Variants in TTC23 observed in about 807,000 individuals in gnomAD.
The protein encoded by TTC23 is tetratricopeptide repeat protein 23.
TTC23 carries 58 observed loss-of-function variants against 55.1 expected under a neutral mutation model. The observed-to-expected ratio is 1.05, with a 90% CI of 0.85 to 1.31. The LOEUF (loss-of-function observed/expected upper bound fraction) is 1.31, where lower values mean the gene tolerates loss of function less well. TTC23 is among the 50% of genes most tolerant of loss of function. TTC23 has a pLI of 0.00. For missense variants in TTC23, 516 were observed against 534.4 expected (o/e 0.97, Z 0.34); for synonymous variants, 203 against 199.9 (o/e 1.02, Z -0.13).
intron 9 of TTC23, among the ~76,000 whole-genome samples, chr15:99,196,374 C>A (rs2075709991): frequency 6.6e-6 from 1 of 152,090 alleles, no homozygotes; most frequent in African/African-American, 2.4e-5. Flanking sequence ...TGAACTTCCT[C>A]CTACTAGTTT....
chr15:99,240,555 G>C (rs770549073), intron 3 of TTC23, among the ~76,000 whole-genome samples: 4 of 152,192 alleles, frequency 2.6e-5, no homozygotes, highest in Non-Finnish European at 4.4e-5. Context: ...AGGGAAGAGG[G>C]GGAGCTGCCC....
intron 4 of TTC23, among the ~76,000 whole-genome samples, chr15:99,231,767 C>T (rs1190627612): frequency 2.0e-5 from 3 of 152,144 alleles, no homozygotes; most frequent in Admixed American, 6.5e-5. Context: ...GCTGGGATTA[C>T]GGGCATTAGC....
intron 8 of TTC23, among the ~76,000 whole-genome samples, chr15:99,212,596 C>T (rs921564734): frequency 3.9e-5 from 6 of 152,068 alleles, no homozygotes; most frequent in African/African-American, 9.7e-5. Context: ...TGAGTCACCC[C>T]GCGGCACTTA....
chr15:99,201,570 G>C (rs2076203268), intron 8 of TTC23, among the ~76,000 whole-genome samples: 1 of 152,172 alleles, frequency 6.6e-6, no homozygotes, highest in African/African-American at 2.4e-5. Context: ...ATACTTTTCG[G>C]ATCTGTGGTC....
chr15:99,222,372 G>C (rs1047738233), intron 5 of TTC23, among the ~76,000 whole-genome samples: 5 of 152,120 alleles, frequency 3.3e-5, no homozygotes, highest in Non-Finnish European at 7.4e-5. Flanking sequence ...CCTCCAGGGG[G>C]CTCGAGCAAT....
intron 8 of TTC23, among the ~76,000 whole-genome samples, chr15:99,201,832 T>C (rs1028052657): frequency 6.6e-6 from 1 of 152,172 alleles, no homozygotes; most frequent in Non-Finnish European, 1.5e-5. Flanking sequence ...TTTGTAAATA[T>C]CATACTTTAT....
chr15:99,139,513 G>A (rs373599970), intron 12 of TTC23, 114 bp from the exon 13 acceptor site: 250 of 1,557,496 alleles, frequency 1.6e-4, no homozygotes, highest in Non-Finnish European at 2.0e-4. Context: ...CTGCTGTGAT[G>A]GAATTAGCAT....
intron 9 of TTC23, among the ~76,000 whole-genome samples, chr15:99,199,058 C>T (rs1437864970): frequency 2.6e-5 from 4 of 152,136 alleles, no homozygotes; most frequent in African/African-American, 7.2e-5. Context: ...AGTGAATACA[C>T]GGTGTTTTGT....
At chr15:99,240,929 T>C (rs1456908114) in intron 3 of TTC23, among the ~76,000 whole-genome samples, 2 of 152,206 alleles carry the variant, frequency 1.3e-5, no homozygotes, top group Admixed American at 1.3e-4. Context: ...ATGCTACCTG[T>C]CTGGCTTCTA....
At chr15:99,218,817 AT>A in intron 7 of TTC23, 80 bp downstream of exon 7, 3 of 1,594,832 alleles carry the variant, frequency 1.9e-6, no homozygotes, top group Non-Finnish European at 2.6e-6. Flanking sequence ...TAAGTCATCC[AT>A]CAGCATCAGC....
intron 4 of TTC23, among the ~76,000 whole-genome samples, chr15:99,231,287 C>G (rs965615077): frequency 6.6e-6 from 1 of 152,162 alleles, no homozygotes; most frequent in Non-Finnish European, 1.5e-5. Flanking sequence ...TTATACATTT[C>G]TAAAAGTTAA....
chr15:99,241,759 C>A lies in TTC23; in HGVS notation c.-308-200G>T, dbSNP rs142838044. Among the ~76,000 whole-genome samples, 4 of 152,224 alleles carry A rather than the reference C, an allele frequency of 2.6e-5. No homozygotes were observed. In the East Asian group the frequency reaches 7.7e-4, roughly 29 times the overall value. ...GTCCCCTGCTTTTCCAGGTGTGAAC[C>A]GTTGGAGGCTGACTTGTGGAGAGAT... On this transcript the variant is annotated intron_variant, in intron 2 of 13. Transcript: ENST00000394132.
intron 12 of TTC23, 100 bp from the exon 13 acceptor site, chr15:99,139,499 G>A: frequency 6.4e-7 from 1 of 1,568,692 alleles, no homozygotes; most frequent in South Asian, 1.2e-5. Context: ...CTCATTCTTA[G>A]GCCCTGCTGT....
At chr15:99,229,441 A>C (rs989556354) in intron 4 of TTC23, among the ~76,000 whole-genome samples, 1 of 152,158 alleles carries the variant, frequency 6.6e-6, no homozygotes. Context: ...AAATCACCCC[A>C]GTTTATTGCT....
intron 9 of TTC23, among the ~76,000 whole-genome samples, chr15:99,187,466 A>AC (rs2074809824): frequency 2.7e-5 from 4 of 145,530 alleles, no homozygotes; most frequent in African/African-American, 1.0e-4. Context: ...AAAAAAAAAA[A>AC]AACAAAACAA....
chr15:99,139,765 T>C, intron 12 of TTC23: 1 of 1,305,786 alleles, frequency 7.7e-7, no homozygotes, highest in Non-Finnish European at 1.0e-6. Flanking sequence ...TTTAAAAAAA[T>C]AGTTTTGTTT....
intron 10 of TTC23, among the ~76,000 whole-genome samples, chr15:99,168,350 T>C (rs779969338): frequency 3.3e-5 from 5 of 152,160 alleles, no homozygotes; most frequent in Non-Finnish European, 7.4e-5. Flanking sequence ...CTGCCTTAAG[T>C]GTCCTCACCA....
chr15:99,168,980 A>G (rs2072540619), intron 10 of TTC23, among the ~76,000 whole-genome samples: 1 of 152,122 alleles, frequency 6.6e-6, no homozygotes, highest in African/African-American at 2.4e-5. Flanking sequence ...CCTGGACCCT[A>G]ATCCCCTAGA....
At chr15:99,171,235 T>C (rs1166760851) in intron 10 of TTC23, among the ~76,000 whole-genome samples, 1 of 152,156 alleles carries the variant, frequency 6.6e-6, no homozygotes, top group Non-Finnish European at 1.5e-5. Flanking sequence ...AGTTCAAGTG[T>C]CTTCTGGTTG....
Sources: allele counts gnomAD v4.1 joint callset (sites outside exome capture counted in the v4.1 genomes callset), GRCh38; gene constraint gnomAD v4.1.1; transcripts MANE v1.5; gene names NCBI Gene and HGNC (gene_info 2026-07-23, HGNC 2026-07-21).